The following CDC42SE2 variants were observed in gnomAD, a reference collection of about 807,000 sequenced individuals.
CDC42SE2 encodes CDC42 small effector 2.
Under a neutral mutation model 11.5 loss-of-function variants are expected in CDC42SE2, and 3 were observed. The observed-to-expected ratio is 0.26, with a 90% CI of 0.12 to 0.67. The LOEUF (loss-of-function observed/expected upper bound fraction) is 0.67. Among genes scored for constraint, CDC42SE2 ranks in the 30% least tolerant of loss-of-function variants. CDC42SE2 has a pLI of 0.80. For synonymous variants in CDC42SE2, 33 were observed against 34.8 expected, an observed-to-expected ratio of 0.95 and a Z score of 0.18; for missense variants, 82 against 106.8, an observed-to-expected ratio of 0.77 and a Z score of 1.02.
rs970057028 is a variant in CDC42SE2, at chr5:131,368,027, G to A, written c.54+8480G>A. Among the ~76,000 whole-genome samples the A allele has an allele frequency of 2.0e-5, 3 of 152,080 alleles. No homozygotes were observed. In the South Asian group the frequency reaches 6.2e-4, roughly 32 times the overall value. On this transcript the variant is annotated intron_variant, in intron 3 of 4. Coordinates refer to ENST00000505065, the MANE Select transcript of CDC42SE2 (RefSeq NM_001375635.1). Reference sequence around the variant, plus strand: ...CCAGCACTTTGGGAGGCCGAGGAGGGTTGATCACGAGGTCAGGAGATCGAG... The same window carrying A: ...CCAGCACTTTGGGAGGCCGAGGAGGATTGATCACGAGGTCAGGAGATCGAG...
chr5:131,375,320 A>AGTTAAAAGGTTG (rs941858092), intron 3 of CDC42SE2, among the ~76,000 whole-genome samples: 1 of 152,216 alleles, frequency 6.6e-6, no homozygotes, highest in African/African-American at 2.4e-5. Flanking sequence ...GGAAAAGGTT[A>AGTTAAAAGGTTG]GTTACCTACT....
chr5:131,255,372 G>C (rs1051698911), intron 2 of CDC42SE2: 1 of 152,100 alleles, frequency 6.6e-6, no homozygotes, highest in African/African-American at 2.4e-5. Context: ...TTAATGTAGT[G>C]ACTTGAAAAT....
chr5:131,350,802 T>G (rs1229396922), intron 2 of CDC42SE2, among the ~76,000 whole-genome samples: 1 of 151,960 alleles, frequency 6.6e-6, no homozygotes, highest in Non-Finnish European at 1.5e-5. Flanking sequence ...TAAAAGCAAT[T>G]TTGAAAAAGA....
In CDC42SE2 at chr5:131,376,015, G is replaced by T. The variant is rs554392381; in HGVS notation, c.55-9528G>T. Among the ~76,000 whole-genome samples, 5 of 152,172 alleles carry T rather than the reference G, an allele frequency of 3.3e-5. No homozygotes were observed. The East Asian group carries it at 9.7e-4, about 29-fold the overall frequency. On this transcript the variant is annotated intron_variant, in intron 3 of 4. Coordinates refer to ENST00000505065, the MANE Select transcript of CDC42SE2 (RefSeq NM_001375635.1). ...GCACTTTAGGAGGCCAAGGTGGGTG[G>T]ATTAGTTGAGGTCAGGAGTTCGAGA...
chr5:131,291,814 T>C (rs898701908), intron 1 of CDC42SE2, among the ~76,000 whole-genome samples: 1 of 152,188 alleles, frequency 6.6e-6, no homozygotes, highest in African/African-American at 2.4e-5. Flanking sequence ...TGATGGTTTC[T>C]TTGGTAAGTT....
At chr5:131,349,147 AATCT>A (rs1758934255) in intron 2 of CDC42SE2, among the ~76,000 whole-genome samples, 1 of 152,124 alleles carries the variant, frequency 6.6e-6, no homozygotes, top group South Asian at 2.1e-4. Context: ...AATGGGATCT[AATCT>A]AACTTTGCAG....
chr5:131,359,079 A>G (rs777911723), intron 2 of CDC42SE2, 130 bp from the exon 3 acceptor site: 1 of 159,994 alleles, frequency 6.3e-6, no homozygotes, highest in Non-Finnish European at 1.4e-5. Context: ...TGTTGAATCA[A>G]TATCAGTTTG....
the CDC42SE2 span, among the ~76,000 whole-genome samples, chr5:131,239,408 G>T: frequency 6.6e-6 from 1 of 152,010 alleles, no homozygotes; most frequent in African/African-American, 2.4e-5. Context: ...CTGCACTCCA[G>T]CCGGGGCAAC....
At chr5:131,284,125 C>G (rs1410476369) in intron 1 of CDC42SE2, among the ~76,000 whole-genome samples, 1 of 152,162 alleles carries the variant, frequency 6.6e-6, no homozygotes, top group Non-Finnish European at 1.5e-5. Flanking sequence ...TGGCTTCTTT[C>G]ACTTAGCATA....
chr5:131,335,854 G>A (rs1161323213), intron 2 of CDC42SE2, among the ~76,000 whole-genome samples: 2 of 152,120 alleles, frequency 1.3e-5, no homozygotes, highest in Admixed American at 6.6e-5. Context: ...TTTTGAGCCT[G>A]TGTGTTTCTC....
intron 1 of CDC42SE2, among the ~76,000 whole-genome samples, chr5:131,293,655 C>A (rs1186601936): frequency 6.6e-6 from 1 of 151,736 alleles, no homozygotes; most frequent in Admixed American, 6.6e-5. Context: ...GCTTCCACAA[C>A]TATGAGAAAC....
chr5:131,338,460 C>G (rs568938909), intron 2 of CDC42SE2, among the ~76,000 whole-genome samples: 77 of 152,280 alleles, frequency 5.1e-4, no homozygotes, highest in African/African-American at 1.6e-3. Context: ...GAGTTTTGAG[C>G]AGAATGCCTG....
At chr5:131,260,255 C>T (rs1468411950), upstream of CDC42SE2, among the ~76,000 whole-genome samples, 2 of 152,310 alleles carry the variant, frequency 1.3e-5, no homozygotes, top group East Asian at 3.9e-4. Context: ...GAACTCCAGA[C>T]TCTGACTCCG....
At chr5:131,221,639 T>C in the CDC42SE2 span, among the ~76,000 whole-genome samples, 7 of 152,194 alleles carry the variant, frequency 4.6e-5, no homozygotes, top group South Asian at 1.4e-3. Context: ...AGAATACCCA[T>C]TCTTTTTTTT....
At chr5:131,237,711 AG>A in the CDC42SE2 span, among the ~76,000 whole-genome samples, 3 of 152,002 alleles carry the variant, frequency 2.0e-5, no homozygotes, top group Admixed American at 2.0e-4. Context: ...CTGAATAGCT[AG>A]GACTATGTAG....
At chr5:131,363,695 C>CTTT (rs34261669) in intron 3 of CDC42SE2, among the ~76,000 whole-genome samples, 9 of 117,358 alleles carry the variant, frequency 7.7e-5, no homozygotes, top group African/African-American at 1.0e-4. Context: ...TTCTCTTACT[C>CTTT]TTTTTTTTTT....
the CDC42SE2 span, among the ~76,000 whole-genome samples, chr5:131,220,115 G>A: frequency 4.6e-5 from 7 of 152,264 alleles, no homozygotes; most frequent in East Asian, 1.9e-4. Context: ...GGTTGTCAGC[G>A]CATAATGCTG....
chr5:131,304,497 A>G (rs1443854540), intron 1 of CDC42SE2, among the ~76,000 whole-genome samples: 1 of 152,214 alleles, frequency 6.6e-6, no homozygotes, highest in Admixed American at 6.5e-5. Context: ...TAGTAACGGT[A>G]TCCACATGAC....
Position 131,392,006 on chromosome 5 carries a change from C to T in CDC42SE2, c.*915C>T, listed in dbSNP as rs1750671484. On this transcript the variant is annotated 3_prime_UTR_variant, in exon 5 of 5. Coordinates refer to ENST00000505065, the MANE Select transcript of CDC42SE2 (RefSeq NM_001375635.1). Reference sequence around the variant, plus strand: ...TGAAGAAGATACTGTCAGACGAATCCTGCATTTCCTTCAGCTGGCATGCAT... The same window carrying T: ...TGAAGAAGATACTGTCAGACGAATCTTGCATTTCCTTCAGCTGGCATGCAT... The T allele has an allele frequency of 6.6e-6, 1 of 152,374 alleles. No homozygotes were observed. The highest frequency in any genetic ancestry group is 1.5e-5 in the Non-Finnish European group (1 of 68,058). The allele number at this position is 152,374 out of a possible 1,614,324, so 9.4% of individuals were successfully genotyped here.
Sources: allele counts gnomAD v4.1 joint callset (sites outside exome capture counted in the v4.1 genomes callset), GRCh38; gene constraint gnomAD v4.1.1; transcripts MANE v1.5; gene names NCBI Gene and HGNC (gene_info 2026-07-23, HGNC 2026-07-21).